ADK: variants seen among roughly 807,000 people sequenced by gnomAD.
ADK encodes the protein adenosine kinase.
ADK carries 24 observed loss-of-function variants against 44.7 expected under a neutral mutation model. The observed-to-expected ratio is 0.54, with a 90% CI of 0.39 to 0.76. The LOEUF (loss-of-function observed/expected upper bound fraction) is 0.76. ADK is among the 30% of genes least tolerant of loss of function. The probability of loss-of-function intolerance (pLI) is 0.00; values close to 1 mark genes in which losing one functional copy is unlikely to be tolerated. For missense variants in ADK, 321 were observed against 425.1 expected (o/e 0.76, Z 2.15); for synonymous variants, 128 against 142.6 (o/e 0.90, Z 0.73).
At chr10:74,395,191 C>T (rs1843465140) in intron 5 of ADK, among the ~76,000 whole-genome samples, 1 of 152,048 alleles carries the variant, frequency 6.6e-6, no homozygotes, top group African/African-American at 2.4e-5. Context: ...TCCTCCATTC[C>T]CTATCTCCTT....
At chr10:74,374,049 G>T (rs1842749430) in intron 4 of ADK, among the ~76,000 whole-genome samples, 1 of 152,154 alleles carries the variant, frequency 6.6e-6, no homozygotes, top group African/African-American at 2.4e-5. Context: ...CATGTTTTAT[G>T]ATTCCATGTC....
intron 2 of ADK, among the ~76,000 whole-genome samples, chr10:74,222,645 A>G (rs1844359514): frequency 6.6e-6 from 1 of 152,190 alleles, no homozygotes; most frequent in Non-Finnish European, 1.5e-5. Context: ...GATTAAGAAA[A>G]TGTGGCACAT....
intron 1 of ADK, among the ~76,000 whole-genome samples, chr10:74,177,848 C>G (rs550660990): frequency 7.5e-4 from 114 of 151,408 alleles, no homozygotes; most frequent in Non-Finnish European, 1.3e-3. Context: ...GTTTAAGAGA[C>G]AGCTTGGGAA....
chr10:74,401,283 C>T (rs1482954851), intron 6 of ADK, among the ~76,000 whole-genome samples: 1 of 152,156 alleles, frequency 6.6e-6, no homozygotes, highest in Non-Finnish European at 1.5e-5. Flanking sequence ...CCTGTAGTCC[C>T]AGTGCTTTGG....
At chr10:74,364,817 T>C (rs1842450387) in intron 4 of ADK, among the ~76,000 whole-genome samples, 1 of 151,950 alleles carries the variant, frequency 6.6e-6, no homozygotes, top group South Asian at 2.1e-4. Flanking sequence ...TTGTGATTTC[T>C]TCTCTTTTAT....
In ADK at chr10:74,670,175, A is replaced by G. The variant is rs773363522; in HGVS notation, c.878-8A>G. 2 of 1,612,436 alleles carry G rather than the reference A, an allele frequency of 1.2e-6. No individual in the cohort carries two copies. Among genetic ancestry groups the G allele is most frequent in the Non-Finnish European group, 8.5e-7 (1 of 1,178,698 alleles). On this transcript the variant is annotated splice_region_variant and splice_polypyrimidine_tract_variant and intron_variant, in intron 9 of 10. Coordinates refer to ENST00000539909, the MANE Select transcript of ADK (RefSeq NM_006721.4). ...AGTCATTCTGCCTTTCTTTGGCTCT[A>G]ATTGCAGAAAGTGAAGTCACTGCTT...
chr10:74,479,838 C>T (rs903555171), intron 6 of ADK, among the ~76,000 whole-genome samples: 23 of 152,218 alleles, frequency 1.5e-4, no homozygotes, highest in African/African-American at 5.1e-4. Context: ...TTTTCTCTCA[C>T]TTCTTTGTTT....
chr10:74,281,238 A>G (rs902305000), intron 3 of ADK, among the ~76,000 whole-genome samples: 4 of 152,250 alleles, frequency 2.6e-5, no homozygotes, highest in African/African-American at 9.6e-5. Flanking sequence ...TTGATCACTT[A>G]ACAGATACCC....
At chr10:74,531,146 A>G (rs73274149) in intron 7 of ADK, among the ~76,000 whole-genome samples, 7,364 of 152,204 alleles carry the variant, frequency 0.048, 557 homozygotes, top group African/African-American at 0.16. Flanking sequence ...GGAAGACCAC[A>G]AAAAGAACCA....
At chr10:74,653,099 A>G (rs1332816176) in intron 9 of ADK, among the ~76,000 whole-genome samples, 1 of 152,128 alleles carries the variant, frequency 6.6e-6, no homozygotes, top group African/African-American at 2.4e-5. Context: ...CAGAGACTTT[A>G]TTGAACCTCA....
At chr10:74,657,087 A>G (rs894809222) in intron 9 of ADK, among the ~76,000 whole-genome samples, 4 of 151,728 alleles carry the variant, frequency 2.6e-5, no homozygotes, top group African/African-American at 4.8e-5. Context: ...TTTTTTGTAG[A>G]AACAGGGCCA....
intron 6 of ADK, among the ~76,000 whole-genome samples, chr10:74,514,473 C>A (rs2133546924): frequency 6.6e-6 from 1 of 151,348 alleles, no homozygotes; most frequent in South Asian, 2.1e-4. Flanking sequence ...AGTTAGTCTG[C>A]CTGTGTTATT....
chr10:74,398,373 G>A (rs1843589149), intron 5 of ADK, 98 bp from the exon 6 acceptor site: 6 of 614,840 alleles, frequency 9.8e-6, no homozygotes, highest in Non-Finnish European at 1.4e-5. Flanking sequence ...TAATTAAAAT[G>A]TAAATTTTAA....
At chr10:74,691,536 C>A (rs767095143) in intron 10 of ADK, among the ~76,000 whole-genome samples, 8 of 152,088 alleles carry the variant, frequency 5.3e-5, no homozygotes, top group Non-Finnish European at 1.0e-4. Context: ...GCAGGGAAAT[C>A]ATAGAATTAT....
intron 6 of ADK, among the ~76,000 whole-genome samples, chr10:74,466,319 A>G (rs1846356447): frequency 2.0e-5 from 3 of 152,228 alleles, no homozygotes; most frequent in Admixed American, 6.5e-5. Flanking sequence ...GTACAAATGT[A>G]TAACAAGTTA....
intron 10 of ADK, 28 bp from the exon 11 acceptor site, chr10:74,708,293 C>G (rs1431280592): frequency 6.2e-7 from 1 of 1,604,952 alleles, no homozygotes. Flanking sequence ...ATACAATACT[C>G]ATGTGTTTTT....
chr10:74,161,270 CG>C (rs1220515858), intron 1 of ADK, among the ~76,000 whole-genome samples: 1 of 152,134 alleles, frequency 6.6e-6, no homozygotes, highest in African/African-American at 2.4e-5. Flanking sequence ...GGCATGATCT[CG>C]GCTCACTGCA....
At chr10:74,329,106 CAAAAAAAAAAAA>C (rs138730631) in intron 4 of ADK, among the ~76,000 whole-genome samples, 1 of 82,122 alleles carries the variant, frequency 1.2e-5, no homozygotes, top group Non-Finnish European at 2.2e-5. Context: ...TCTGTGCAGG[CAAAAAAAAAAAA>C]AAAAAAAAAA....
At chr10:74,615,481 C>T (rs548332402) in intron 9 of ADK, among the ~76,000 whole-genome samples, 8 of 152,202 alleles carry the variant, frequency 5.3e-5, no homozygotes, top group Admixed American at 2.0e-4. Context: ...TTTTCAGCTC[C>T]GGATTTGCAA....
Sources: gnomAD v4.1 joint callset for allele counts (sites outside exome capture counted in the v4.1 genomes callset) on GRCh38, gnomAD v4.1.1 for gene constraint, MANE v1.5 for transcripts, NCBI Gene and HGNC (gene_info 2026-07-23, HGNC 2026-07-21) for gene names.